The following TBC1D4 variants were observed in gnomAD, a reference collection of about 807,000 sequenced individuals.
TBC1D4 encodes TBC (Tre-2, BUB2, CDC16) domain-containing protein.
Under a neutral mutation model 142.5 loss-of-function variants are expected in TBC1D4, and 121 were observed. That is an observed-to-expected ratio of 0.85 (90% CI 0.73 to 0.99). The LOEUF is 0.99. Among genes scored for constraint, TBC1D4 ranks in the 50% least tolerant of loss-of-function variants. The pLI, the probability that TBC1D4 is intolerant of heterozygous loss-of-function variation, is 0.00. For synonymous variants in TBC1D4, 630 were observed against 628.2 expected, an observed-to-expected ratio of 1.00 and a Z score of -0.04; for missense variants, 1,475 against 1,606.6, an observed-to-expected ratio of 0.92 and a Z score of 1.40.
At chr13:75,293,670 C>T (rs1011455164) in intron 18 of TBC1D4, among the ~76,000 whole-genome samples, 8 of 152,160 alleles carry the variant, frequency 5.3e-5, no homozygotes, top group African/African-American at 1.7e-4. Context: ...TTTGATTCAG[C>T]GCATTTTCAC....
chr13:75,456,547 C>T (rs1474293769), intron 1 of TBC1D4, among the ~76,000 whole-genome samples: 1 of 152,064 alleles, frequency 6.6e-6, no homozygotes, highest in Non-Finnish European at 1.5e-5. Flanking sequence ...TGAAAAGGTG[C>T]TTAGCACATC....
intron 2 of TBC1D4, among the ~76,000 whole-genome samples, chr13:75,361,429 C>T (rs1428068866): frequency 6.6e-6 from 1 of 152,044 alleles, no homozygotes; most frequent in Non-Finnish European, 1.5e-5. Context: ...CGCCCAGGCT[C>T]GAGTGCAGGG....
chr13:75,382,042 T>C (rs1359329576), intron 1 of TBC1D4, among the ~76,000 whole-genome samples: 1 of 152,184 alleles, frequency 6.6e-6, no homozygotes, highest in Non-Finnish European at 1.5e-5. Flanking sequence ...GGAATCTTTT[T>C]AGGATGGGGA....
chr13:75,294,545 T>C (rs548935250), intron 18 of TBC1D4, among the ~76,000 whole-genome samples: 38 of 152,226 alleles, frequency 2.5e-4, no homozygotes, highest in Non-Finnish European at 4.3e-4. Flanking sequence ...ATACACAGTC[T>C]GTCCCTAGTC....
chr13:75,286,123 A>T lies in TBC1D4; in HGVS notation c.*669T>A, dbSNP rs1278909280. ...CTACTGTCTCTTTATGTATGTTTAAAGTAATGCCTAACCAGACTCATAATG... is the reference window on the plus strand; with the variant it reads ...CTACTGTCTCTTTATGTATGTTTAATGTAATGCCTAACCAGACTCATAATG... On this transcript the variant is annotated 3_prime_UTR_variant, in exon 21 of 21. Transcript: ENST00000377636. 3.9e-5 allele frequency: 6 copies of T among 152,788 alleles called. No individual in the cohort carries two copies. The highest frequency in any genetic ancestry group is 5.9e-5 in the Non-Finnish European group (4 of 68,200). 9.5% of individuals were successfully genotyped at this position (152,788 alleles called of 1,614,324 possible).
At chr13:75,309,917 C>T (rs1446035098) in intron 14 of TBC1D4, 25 bp downstream of exon 14, 1 of 1,610,232 alleles carries the variant, frequency 6.2e-7, no homozygotes, top group East Asian at 2.2e-5. Flanking sequence ...AGCATCATAG[C>T]ATTTAGTCTG....
At chr13:75,328,756 T>C (rs1182688504) in intron 8 of TBC1D4, among the ~76,000 whole-genome samples, 2 of 152,218 alleles carry the variant, frequency 1.3e-5, no homozygotes, top group Non-Finnish European at 2.9e-5. Context: ...ATTTGCATAG[T>C]ACTTTCCAGG....
chr13:75,478,542 TC>T (rs1275871833), intron 1 of TBC1D4, among the ~76,000 whole-genome samples: 1 of 152,122 alleles, frequency 6.6e-6, no homozygotes, highest in Admixed American at 6.5e-5. Flanking sequence ...TGATCTTAAG[TC>T]CAAATAAATA....
rs545653474 is a variant in TBC1D4 at position 75,409,912 on chromosome 13, G to A, written c.499-47305C>T. Among the ~76,000 whole-genome samples the A allele has an allele frequency of 1.1e-3, 168 of 152,186 alleles. 3 individuals carry two copies. Among genetic ancestry groups the A allele is most frequent in the Admixed American group, 9.7e-3 (148 of 15,292 alleles). ...TATCATCTCTGGAGGAAATGAATTC[G>A]AATCCAAAATTTCTTTCAAATATTC... On this transcript the variant is annotated intron_variant, in intron 1 of 20. Coordinates refer to ENST00000377636, the MANE Select transcript of TBC1D4 (RefSeq NM_014832.5).
chr13:75,375,772 C>CG (rs1018339922), intron 1 of TBC1D4: 2 of 125,674 alleles, frequency 1.6e-5, no homozygotes, highest in Non-Finnish European at 3.3e-5. Context: ...CCCCACCCCC[C>CG]CCACACACAC....
chr13:75,410,078 C>G (rs2138392533), intron 1 of TBC1D4, among the ~76,000 whole-genome samples: 1 of 152,310 alleles, frequency 6.6e-6, no homozygotes, highest in South Asian at 2.1e-4. Flanking sequence ...AATAACAGCA[C>G]TCTCAGAGTA....
At position 75,362,027 on chromosome 13, in the gene TBC1D4, T is replaced by C. The variant is rs752046886; in HGVS notation, c.1079A>G (p.Gln360Arg). ...CAGACAGCGTCCGATCAGGTGTACC[T>C]GGAAGAGCATGGTCCTGTTCTTCTC... ...DSEKNRTMLF[Q>R]VGRFEINLIS... is the part of the protein sequence containing the mutation. Residue 360 changes from glutamine (Q) to arginine (R), a missense_variant and splice_region_variant, in exon 2 of 21, where the codon CAG (glutamine) becomes CGG (arginine). Around this residue, in one of 2 missense-constraint regions of TBC1D4, gnomAD observed 1,227 missense variants for 1,267.7 expected, o/e 0.97. Transcript: ENST00000377636. This position sits in a 1 kb window ranked among gnomAD's most constrained non-coding sequence, Gnocchi z 4.2. 1 of 1,614,140 alleles carries C rather than the reference T, an allele frequency of 6.2e-7. No individual in the cohort carries two copies. The highest frequency in any genetic ancestry group is 8.5e-7 in the Non-Finnish European group (1 of 1,180,010).
intron 8 of TBC1D4, among the ~76,000 whole-genome samples, chr13:75,329,269 T>C (rs142195132): frequency 0.01 from 1,561 of 152,240 alleles, 12 homozygotes; most frequent in Non-Finnish European, 0.016. Flanking sequence ...TTACACCTCA[T>C]ATCTTATATA....
chr13:75,481,646 AC>A lies in TBC1D4; in HGVS notation c.121del (p.Val41LeufsTer42). The A allele has an allele frequency of 4.4e-6, 7 of 1,604,772 alleles. No individual in the cohort carries two copies. The highest frequency in any genetic ancestry group is 6.0e-6 in the Non-Finnish European group (7 of 1,175,752). On this transcript the variant is annotated frameshift_variant, in exon 1 of 21. Transcript: ENST00000377636. LOFTEE classifies it high-confidence loss of function. Reference protein sequence around the residue: ...PSDKRFRLWYVGGSCLDHRTT... With the variant: ...PSDKRFRLWYXGGSCLDHRTT... Reference sequence around the variant, plus strand: ...CCTGTGGTCCAGGCACGACCCCCCAACGTACCACAGCCGGAACCGCTTATCG... The same window carrying A: ...CCTGTGGTCCAGGCACGACCCCCCAAGTACCACAGCCGGAACCGCTTATCG...
At chr13:75,341,638 C>G in intron 5 of TBC1D4, 51 bp from the exon 6 acceptor site, 1 of 1,439,248 alleles carries the variant, frequency 6.9e-7, no homozygotes, top group South Asian at 1.1e-5. Flanking sequence ...CAGCAGAGAT[C>G]CAGGGGCAGA....
At chr13:75,432,900 C>CCA (rs959077249) in intron 1 of TBC1D4, among the ~76,000 whole-genome samples, 1 of 150,896 alleles carries the variant, frequency 6.6e-6, no homozygotes, top group African/African-American at 2.4e-5. Context: ...CAAGATCATG[C>CCA]CACTACACTC....
intron 1 of TBC1D4, among the ~76,000 whole-genome samples, chr13:75,404,683 T>C (rs1044556816): frequency 1.3e-5 from 2 of 152,222 alleles, no homozygotes; most frequent in East Asian, 1.9e-4. Context: ...ACAATAATTA[T>C]ATTTGGGTAG....
chr13:75,436,840 C>T (rs1886820819), intron 1 of TBC1D4, among the ~76,000 whole-genome samples: 1 of 115,852 alleles, frequency 8.6e-6, no homozygotes, highest in African/African-American at 2.5e-5. Flanking sequence ...TTGGAAGACA[C>T]CATCTTAATC....
At chr13:75,403,161 A>G (rs1038323362) in intron 1 of TBC1D4, among the ~76,000 whole-genome samples, 21 of 152,324 alleles carry the variant, frequency 1.4e-4, no homozygotes, top group African/African-American at 4.3e-4. Context: ...ACTCCTGTCC[A>G]TGGCCAGGTA....
Sources: gnomAD v4.1 joint callset for allele counts (sites outside exome capture counted in the v4.1 genomes callset) on GRCh38, gnomAD v4.1.1 for gene constraint, gnomAD v4.1.1 regional missense constraint, Gnocchi (gnomAD v3.1) non-coding constraint, MANE v1.5 for transcripts, NCBI Gene and HGNC (gene_info 2026-07-23, HGNC 2026-07-21) for gene names.